FAHD2A: variants seen among roughly 807,000 people sequenced by gnomAD.
The protein encoded by FAHD2A is fumarylacetoacetate hydrolase domain containing 2A.
In FAHD2A, 27 loss-of-function variants were observed where a neutral mutation model predicts 33.4. The observed-to-expected ratio is 0.81, with a 90% CI of 0.60 to 1.11. The LOEUF is 1.11. FAHD2A is among the 50% of genes most tolerant of loss of function. The pLI is 0.00. For missense variants in FAHD2A, 296 were observed against 395.0 expected, an observed-to-expected ratio of 0.75 and a Z score of 2.12; for synonymous variants, 130 against 153.3, an observed-to-expected ratio of 0.85 and a Z score of 1.12.
At chr2:95,420,350 A>G (rs570079528), downstream of FAHD2A, among the ~76,000 whole-genome samples, 6 of 152,220 alleles carry the variant, frequency 3.9e-5, no homozygotes, top group African/African-American at 1.4e-4. Flanking sequence ...TAGGATTTGC[A>G]AGGAGAAATC....
In FAHD2A at chr2:95,412,700, A is replaced by T. The variant is rs749392438; in HGVS notation, c.818A>T (p.Asp273Val). The T allele has an allele frequency of 1.2e-5, 20 of 1,613,930 alleles. No individual in the cohort carries two copies. Among genetic ancestry groups the T allele is most frequent in the Non-Finnish European group, 1.7e-5 (20 of 1,180,006 alleles). Residue 273 changes from aspartate (D) to valine (V), a missense_variant, in exon 7 of 8, where the codon GAT (aspartate) becomes GTT (valine). Transcript: ENST00000233379. ...VSQFVTFYPGDVILTGTPPGV... is the reference protein window; with the variant it reads ...VSQFVTFYPGVVILTGTPPGV... ...AGGTTTGTTACCTTTTACCCAGGGG[A>T]TGTCATCCTAACTGGGACCCCCCCA...
chr2:95,411,604 G>T (rs1682525391), intron 5 of FAHD2A, among the ~76,000 whole-genome samples: 1 of 152,232 alleles, frequency 6.6e-6, no homozygotes. Context: ...CCCATGCAGA[G>T]TCCTCAGCAA....
Position 95,414,167 on chromosome 2 carries a change from TTGTCAC to T in FAHD2A, c.*1215_*1220del. 2 of 1,570,894 alleles carry T rather than the reference TTGTCAC, an allele frequency of 1.3e-6. No homozygotes were observed. Among genetic ancestry groups the T allele is most frequent in the Non-Finnish European group, 1.7e-6 (2 of 1,158,890 alleles). ...TGCAGCCCGCCTTCCTAGAGTTGGGTTGTCACTGTCCGGCAGGGGGCAGCAGCCACC... is the reference window on the plus strand; with the variant it reads ...TGCAGCCCGCCTTCCTAGAGTTGGGTTGTCCGGCAGGGGGCAGCAGCCACC... On this transcript the variant is annotated 3_prime_UTR_variant, in exon 8 of 8. Transcript: ENST00000233379.
Position 95,413,376 on chromosome 2 carries a change from T to C in FAHD2A, c.*419T>C, listed in dbSNP as rs1336377015. On this transcript the variant is annotated 3_prime_UTR_variant, in exon 8 of 8. Transcript: ENST00000233379. ...TTATAGCTAAGGGTTTGCAGCCTCC[T>C]CTCCATCTTCTGGCTCTAGGACACA... 1.9e-6 allele frequency: 3 copies of C among 1,558,506 alleles called. No individual in the cohort carries two copies. The highest frequency in any genetic ancestry group is 2.8e-5 in the African/African-American group (2 of 72,058).
rs965707065 is a variant in FAHD2A, at chr2:95,407,545, G to A, written c.462+388G>A. ...GACTCCATCAGGAGCATTTTTTCATGCCATTAAGTATTCGCCCTGACACCA... is the reference window on the plus strand; with the variant it reads ...GACTCCATCAGGAGCATTTTTTCATACCATTAAGTATTCGCCCTGACACCA... On this transcript the variant is annotated intron_variant, in intron 3 of 7. Transcript: ENST00000233379. 2.0e-5 allele frequency: 4 copies of A among 201,194 alleles called. No individual in the cohort carries two copies. In the Admixed American group the frequency reaches 2.1e-4, roughly 11 times the overall value. The allele number at this position is 201,194 out of a possible 1,614,324, so 12.5% of individuals were successfully genotyped here.
chr2:95,418,339 A>G (rs1683265476), downstream of FAHD2A, among the ~76,000 whole-genome samples: 1 of 151,916 alleles, frequency 6.6e-6, no homozygotes, highest in South Asian at 2.1e-4. Flanking sequence ...TTTGGTGGCA[A>G]TACTTGCCCT....
At chr2:95,406,053 C>G (rs1681493843) in intron 2 of FAHD2A, among the ~76,000 whole-genome samples, 1 of 151,200 alleles carries the variant, frequency 6.6e-6, no homozygotes, top group Non-Finnish European at 1.5e-5. Context: ...GTGCTGGAAC[C>G]AGGACTCTAT....
chr2:95,410,111 G>C (rs1682228124), intron 3 of FAHD2A, among the ~76,000 whole-genome samples: 1 of 152,210 alleles, frequency 6.6e-6, no homozygotes, highest in Admixed American at 6.5e-5. Flanking sequence ...TTTGTGAATT[G>C]CTTACTCAAG....
intron 1 of FAHD2A, among the ~76,000 whole-genome samples, chr2:95,404,412 G>C (rs1340437347): frequency 6.6e-6 from 1 of 152,022 alleles, no homozygotes; most frequent in Non-Finnish European, 1.5e-5. Flanking sequence ...TCGTGTCTCA[G>C]CCTCCCTAGT....
intron 5 of FAHD2A, 53 bp downstream of exon 5, chr2:95,411,079 G>C (rs192125504): frequency 1.9e-6 from 3 of 1,601,248 alleles, no homozygotes; most frequent in Non-Finnish European, 2.6e-6. Flanking sequence ...GATGAACAGC[G>C]CTTCAGGGAG....
downstream of FAHD2A, among the ~76,000 whole-genome samples, chr2:95,420,780 G>A (rs553013345): frequency 1.3e-5 from 2 of 151,832 alleles, no homozygotes; most frequent in Admixed American, 1.3e-4. Flanking sequence ...GAAGGAATGG[G>A]GAACATGGCT....
Position 95,414,445 on chromosome 2 carries a change from C to T in FAHD2A, c.*1488C>T, listed in dbSNP as rs1224029830. 1 of 555,276 alleles carries T rather than the reference C, an allele frequency of 1.8e-6. No homozygotes were observed. The highest frequency in any genetic ancestry group is 3.2e-5 in the East Asian group (1 of 31,414). The allele number at this position is 555,276 out of a possible 1,614,324, so 34.4% of individuals were successfully genotyped here. ...AGGCCTGCACCCCGTCTCAGTTCCTCCACTGCTTCGTCCCAGATTCTGTTT... is the reference window on the plus strand; with the variant it reads ...AGGCCTGCACCCCGTCTCAGTTCCTTCACTGCTTCGTCCCAGATTCTGTTT... On this transcript the variant is annotated 3_prime_UTR_variant, in exon 8 of 8. Coordinates refer to ENST00000233379, the MANE Select transcript of FAHD2A (RefSeq NM_016044.3).
rs1173389215 is a variant in FAHD2A at position 95,407,246 on chromosome 2, C to T, written c.462+89C>T. 2.4e-5 allele frequency: 37 copies of T among 1,538,068 alleles called. No individual in the cohort carries two copies. In the South Asian group the frequency reaches 3.0e-4, roughly 12 times the overall value. ...TATTGAGCCTACTGGAGCCACCTCT[C>T]GCTCAATAGCGCATTCAGCAGAAAC... is the stretch of plus-strand genomic sequence containing the variant. On this transcript the variant is annotated intron_variant, in intron 3 of 7. Transcript: ENST00000233379.
At position 95,406,950 on chromosome 2, in the gene FAHD2A, T is replaced by C; in HGVS notation, c.255T>C (p.Ala85=). The C allele has an allele frequency of 6.2e-7, 1 of 1,613,252 alleles. No individual in the cohort carries two copies. Residue 85 remains alanine, a synonymous_variant, in exon 3 of 8, where the codon GCT becomes GCC. Transcript: ENST00000233379. ...ATLSVARRAL[A]AQLPVLPRSE... Reference sequence around the variant, plus strand: ...GCTCTGGTCTCTACAGAGCCCTGGCTGCCCAGTTGCCAGTCCTACCACGGT... The same window carrying C: ...GCTCTGGTCTCTACAGAGCCCTGGCCGCCCAGTTGCCAGTCCTACCACGGT...
At chr2:95,421,239 G>C (rs1683310594), downstream of FAHD2A, among the ~76,000 whole-genome samples, 1 of 96,862 alleles carries the variant, frequency 1.0e-5, no homozygotes, top group Non-Finnish European at 2.0e-5. Flanking sequence ...GGTCCTCAGA[G>C]ACTCAGAATG....
chr2:95,416,858 CCTT>C (rs1449346720), downstream of FAHD2A, among the ~76,000 whole-genome samples: 11 of 152,338 alleles, frequency 7.2e-5, no homozygotes, highest in Admixed American at 5.9e-4. Context: ...CCTGAACACT[CCTT>C]CTTTCCCTCG....
chr2:95,412,384 G>C (rs1156972580), intron 5 of FAHD2A, 50 bp from the exon 6 acceptor site: 1 of 1,609,034 alleles, frequency 6.2e-7, no homozygotes, highest in Non-Finnish European at 8.5e-7. Context: ...AATATTGGGG[G>C]GTTTGAGGGG....
Position 95,405,617 on chromosome 2 carries a change from C to T in FAHD2A, c.59C>T (p.Pro20Leu). 6.2e-7 allele frequency: 1 copy of T among 1,614,078 alleles called. No individual in the cohort carries two copies. The highest frequency in any genetic ancestry group is 8.5e-7 in the Non-Finnish European group (1 of 1,179,954). ...LTVLLQAQKW[P>L]FQPSRDMRLV... ...GTTCTGCTGCAGGCTCAGAAGTGGCCCTTTCAACCCTCCAGAGACATGAGA... is the reference window on the plus strand; with the variant it reads ...GTTCTGCTGCAGGCTCAGAAGTGGCTCTTTCAACCCTCCAGAGACATGAGA... The change falls in exon 2 of 8, where the codon CCC (proline) becomes CTC (leucine). Residue 20 changes from proline (P) to leucine (L), a missense_variant. Transcript: ENST00000233379.
intron 3 of FAHD2A, among the ~76,000 whole-genome samples, chr2:95,409,959 G>C (rs1682205740): frequency 6.6e-6 from 1 of 152,082 alleles, no homozygotes; most frequent in South Asian, 2.1e-4. Context: ...CTGGATGTCG[G>C]GTGTACTTAC....
Sources: allele counts gnomAD v4.1 joint callset (sites outside exome capture counted in the v4.1 genomes callset), GRCh38; gene constraint gnomAD v4.1.1; transcripts MANE v1.5; gene names NCBI Gene and HGNC (gene_info 2026-07-23, HGNC 2026-07-21).